SYN3: variants seen among roughly 807,000 people sequenced by gnomAD.
The protein encoded by SYN3 is synapsin III.
A neutral mutation model predicts 65.8 loss-of-function variants in SYN3; 35 were observed. That is an observed-to-expected ratio of 0.53 (90% CI 0.41 to 0.70). The LOEUF is 0.70. Among genes scored for constraint, SYN3 ranks in the 30% least tolerant of loss-of-function variants. The pLI, the probability that SYN3 is intolerant of heterozygous loss-of-function variation, is 0.00. For missense variants in SYN3, 680 were observed against 749.0 expected (o/e 0.91, Z 1.08); for synonymous variants, 270 against 292.9 (o/e 0.92, Z 0.80).
At chr22:32,695,537 C>A (rs561653966) in intron 6 of SYN3, among the ~76,000 whole-genome samples, 3 of 152,282 alleles carry the variant, frequency 2.0e-5, no homozygotes, top group African/African-American at 7.2e-5. Flanking sequence ...GGTTTTGAAG[C>A]ATTCCCATGA....
At chr22:32,811,217 T>G (rs934443184) in intron 6 of SYN3, among the ~76,000 whole-genome samples, 3 of 152,040 alleles carry the variant, frequency 2.0e-5, no homozygotes, top group Admixed American at 1.3e-4. Flanking sequence ...AAATCAAAGA[T>G]AAGCAGACTG....
intron 6 of SYN3, among the ~76,000 whole-genome samples, chr22:32,682,685 G>A (rs1489044757): frequency 6.6e-6 from 1 of 152,216 alleles, no homozygotes; most frequent in Non-Finnish European, 1.5e-5. Flanking sequence ...TGTAAATGAG[G>A]CTTTGAGTAG....
At chr22:32,813,205 A>T (rs1408669802) in intron 6 of SYN3, among the ~76,000 whole-genome samples, 1 of 152,210 alleles carries the variant, frequency 6.6e-6, no homozygotes, top group East Asian at 1.9e-4. Context: ...TCCATTTTGG[A>T]GAGCTAAACA....
intron 3 of SYN3, among the ~76,000 whole-genome samples, chr22:32,978,947 G>C (rs1395465168): frequency 6.6e-6 from 1 of 152,090 alleles, no homozygotes; most frequent in Non-Finnish European, 1.5e-5. Context: ...AGGAGACCAA[G>C]GCAGGTAGAT....
chr22:32,563,660 C>T (rs1390824049), intron 7 of SYN3, among the ~76,000 whole-genome samples: 1 of 152,066 alleles, frequency 6.6e-6, no homozygotes, highest in African/African-American at 2.4e-5. Flanking sequence ...CCTTGGACAA[C>T]CTGGAGCCCT....
chr22:32,740,614 T>TG (rs1384816258), intron 6 of SYN3, among the ~76,000 whole-genome samples: 1 of 152,142 alleles, frequency 6.6e-6, no homozygotes, highest in African/African-American at 2.4e-5. Flanking sequence ...AGCTGGAAAT[T>TG]GCAGATGTCT....
intron 7 of SYN3, among the ~76,000 whole-genome samples, chr22:32,580,052 C>T (rs2058915035): frequency 6.6e-6 from 1 of 152,234 alleles, no homozygotes; most frequent in Non-Finnish European, 1.5e-5. Context: ...ACAGGGCTTT[C>T]CGCTGTCCAG....
chr22:32,914,121 G>A (rs1265635924), intron 4 of SYN3, among the ~76,000 whole-genome samples: 1 of 152,108 alleles, frequency 6.6e-6, no homozygotes. Flanking sequence ...AGCAAGATTC[G>A]TTAACTTGTC....
intron 6 of SYN3, among the ~76,000 whole-genome samples, chr22:32,711,161 G>A (rs2060960240): frequency 6.6e-6 from 1 of 152,146 alleles, no homozygotes. Context: ...AACTGGAATG[G>A]GTTGGTCACC....
chr22:32,950,169 AGAGAC>A (rs1306300439), intron 3 of SYN3, among the ~76,000 whole-genome samples: 1 of 152,166 alleles, frequency 6.6e-6, no homozygotes, highest in Non-Finnish European at 1.5e-5. Flanking sequence ...AGAGAGAAAA[AGAGAC>A]AGAGAGGAGA....
rs1452239230 is a variant in SYN3, at chr22:32,556,800, CCTGGTTTT to C, written c.775-15095_775-15088del. 7.6e-3 allele frequency among the ~76,000 whole-genome samples: 91 copies of C among 11,996 alleles called. 8 individuals are homozygous for C. Among genetic ancestry groups the C allele is most frequent in the East Asian group, 0.015 (8 of 550 alleles). The allele number at this position is 11,996 out of a possible 152,430, so 7.9% of individuals were successfully genotyped here. A position where few individuals can be genotyped will look rare whatever the true frequency, so the allele number is the denominator to read the frequency against. On this transcript the variant is annotated intron_variant, in intron 7 of 13. Transcript: ENST00000358763. ...ACCCAATGACCCAATCTATAGGTTTCCTGGTTTTTTTTTTTTTTTTTTTTTTTTTTTTT... is the reference window on the plus strand; with the variant it reads ...ACCCAATGACCCAATCTATAGGTTTCTTTTTTTTTTTTTTTTTTTTTTTTT...
At chr22:32,757,446 C>A (rs566623293) in intron 6 of SYN3, among the ~76,000 whole-genome samples, 9 of 151,996 alleles carry the variant, frequency 5.9e-5, no homozygotes, top group African/African-American at 2.2e-4. Context: ...TACAGCGGTG[C>A]GCCACCACGC....
At position 32,752,163 on chromosome 22, in the gene SYN3, G is replaced by A. The variant is rs1039360964; in HGVS notation, c.711+112752C>T. Among the ~76,000 whole-genome samples the A allele has an allele frequency of 4.6e-5, 7 of 152,150 alleles. No individual in the cohort carries two copies. The East Asian group carries it at 9.6e-4, about 21-fold the overall frequency. On this transcript the variant is annotated intron_variant, in intron 6 of 13. Transcript: ENST00000358763. ...GTCCCCTAGGCATTGAACTTGATGA[G>A]CCCTCACTGTGAATCCTTACTGAGG...
chr22:32,692,098 G>GTTTT (rs61625935), intron 6 of SYN3, among the ~76,000 whole-genome samples: 1 of 122,142 alleles, frequency 8.2e-6, no homozygotes, highest in African/African-American at 2.9e-5. Flanking sequence ...TGTGGTCATT[G>GTTTT]TTTTTTTTTT....
At chr22:33,013,167 GA>G in intron 1 of SYN3, among the ~76,000 whole-genome samples, 1 of 151,946 alleles carries the variant, frequency 6.6e-6, no homozygotes, top group Non-Finnish European at 1.5e-5. Context: ...CCCTGACTTT[GA>G]AAAAAAATCA....
At chr22:32,909,496 C>A (rs13054818) in intron 4 of SYN3, among the ~76,000 whole-genome samples, 30,804 of 152,094 alleles carry the variant, frequency 0.2, 4,014 homozygotes, top group Non-Finnish European at 0.29. Flanking sequence ...GAGCTGTCTG[C>A]GGAAAGACCC....
chr22:32,648,037 T>C (rs989866568), intron 6 of SYN3, among the ~76,000 whole-genome samples: 7 of 152,056 alleles, frequency 4.6e-5, no homozygotes, highest in Admixed American at 6.6e-5. Context: ...AGAAAAGTTT[T>C]TGTAGGGATT....
chr22:32,937,908 AAT>A (rs1249973600), intron 3 of SYN3, among the ~76,000 whole-genome samples: 1 of 152,234 alleles, frequency 6.6e-6, no homozygotes, highest in Non-Finnish European at 1.5e-5. Flanking sequence ...TAAATAGTCT[AAT>A]ATATGAGTAA....
intron 8 of SYN3, 28 bp downstream of exon 8, chr22:32,541,543 T>C: frequency 6.2e-7 from 1 of 1,612,230 alleles, no homozygotes; most frequent in Non-Finnish European, 8.5e-7. Flanking sequence ...CCTCCCACAC[T>C]CCCCCAGCCC....
Sources: allele counts gnomAD v4.1 joint callset (sites outside exome capture counted in the v4.1 genomes callset), GRCh38; gene constraint gnomAD v4.1.1; transcripts MANE v1.5; gene names NCBI Gene and HGNC (gene_info 2026-07-23, HGNC 2026-07-21).